DAO: variants seen among roughly 807,000 people sequenced by gnomAD.
DAO encodes the protein D-amino-acid oxidase.
Under a neutral mutation model 50.1 loss-of-function variants are expected in DAO, and 51 were observed. The ratio of observed to expected loss-of-function variants is 1.02; its 90% CI spans 0.81 to 1.29. The LOEUF is 1.29. Ranked by LOEUF, DAO falls within the 50% of genes most tolerant of loss-of-function variation. The probability of loss-of-function intolerance (pLI) is 0.00; values close to 1 mark genes in which losing one functional copy is unlikely to be tolerated. For missense variants in DAO, 436 were observed against 439.4 expected, an observed-to-expected ratio of 0.99 and a Z score of 0.07; for synonymous variants, 160 against 166.2, an observed-to-expected ratio of 0.96 and a Z score of 0.29.
In DAO at chr12:108,887,512, AC is replaced by A. The variant is rs762709353; in HGVS notation, c.259del (p.Leu87TrpfsTer5). 6.2e-7 allele frequency: 1 copy of A among 1,613,898 alleles called. No individual in the cohort carries two copies. The highest frequency in any genetic ancestry group is 2.2e-5 in the East Asian group (1 of 44,876). On this transcript the variant is annotated frameshift_variant, in exon 3 of 11. Coordinates refer to ENST00000228476, the MANE Select transcript of DAO (RefSeq NM_001917.5). LOFTEE classifies it high-confidence loss of function. ...LSHVHSPNAE[N>X]LGLFLISGYN... Reference sequence around the variant, plus strand: ...CATGTCCATTCTCCCAACGCTGAAAACCTGGGCCTGTTCCTAATCTCGGGCT... The same window carrying A: ...CATGTCCATTCTCCCAACGCTGAAAACTGGGCCTGTTCCTAATCTCGGGCT...
intron 1 of DAO, among the ~76,000 whole-genome samples, chr12:108,884,072 A>C (rs1378303364): frequency 2.0e-5 from 3 of 152,238 alleles, no homozygotes; most frequent in Non-Finnish European, 2.9e-5. Context: ...AAGTAGCTTC[A>C]AGGTTAAAAG....
intron 10 of DAO, 159 bp from the exon 11 acceptor site, chr12:108,900,245 C>A: frequency 2.4e-6 from 2 of 824,810 alleles, no homozygotes; most frequent in Admixed American, 2.0e-5. Context: ...TCCAGGGGGT[C>A]CCCACCATTC....
rs769894280 is a variant in DAO at position 108,880,120 on chromosome 12, G to A, written c.-114G>A. The A allele has an allele frequency of 1.5e-5, 7 of 456,702 alleles. No individual in the cohort carries two copies. In the East Asian group the frequency reaches 2.1e-4, roughly 14 times the overall value. The allele number at this position is 456,702 out of a possible 1,614,324, so 28.3% of individuals were successfully genotyped here. On this transcript the variant is annotated 5_prime_UTR_variant, in exon 1 of 11. Coordinates refer to ENST00000228476, the MANE Select transcript of DAO (RefSeq NM_001917.5). ...CTCCAGTCCGGGCTGGCGGACAGAG[G>A]GCTGGAAACAAGACGCTCCAGAATC...
At position 108,896,419 on chromosome 12, in the gene DAO, C is replaced by CAAAAAAAAAAAAAAAA. The variant is rs386377704; in HGVS notation, c.613-579_613-564dup. 9.5e-3 allele frequency among the ~76,000 whole-genome samples: 568 copies of CAAAAAAAAAAAAAAAA among 59,490 alleles called. 20 individuals carry two copies. The highest frequency in any genetic ancestry group is 0.016 in the South Asian group (23 of 1,406). 39.0% of individuals were successfully genotyped at this position (59,490 alleles called of 152,430 possible). On this transcript the variant is annotated intron_variant, in intron 7 of 10. Coordinates refer to ENST00000228476, the MANE Select transcript of DAO (RefSeq NM_001917.5). ...GCCTGGCAACAGAGCGAGGCTGTCT[C>CAAAAAAAAAAAAAAAA]AAAAAAAAAAAAAAAAAAAAAAATT... is the stretch of plus-strand genomic sequence containing the variant.
At chr12:108,894,626 G>T (rs2039527327) in intron 7 of DAO, among the ~76,000 whole-genome samples, 1 of 152,158 alleles carries the variant, frequency 6.6e-6, no homozygotes, top group African/African-American at 2.4e-5. Context: ...AATAAAAATA[G>T]CAAACATTAG....
chr12:108,890,185 C>T lies in DAO; in HGVS notation c.387-23C>T. The T allele has an allele frequency of 1.9e-6, 3 of 1,601,372 alleles. No individual in the cohort carries two copies. The South Asian group carries it at 3.3e-5, about 18-fold the overall frequency. On this transcript the variant is annotated intron_variant, in intron 4 of 10. Coordinates refer to ENST00000228476, the MANE Select transcript of DAO (RefSeq NM_001917.5). ...GCTCTGATTTTTACCTTTATTTCCA[C>T]CTTTTGCTTACTGTGACTCTAGCTA...
Position 108,900,412 on chromosome 12 carries a change from C to G in DAO, c.921C>G (p.His307Gln), listed in dbSNP as rs2039609349. The change falls in exon 11 of 11, where the codon CAC (histidine) becomes CAG (glutamine). Residue 307 changes from histidine to glutamine, a missense_variant. Coordinates refer to ENST00000228476, the MANE Select transcript of DAO (RefSeq NM_001917.5). ...RTGPSNTEVIHNYGHGGYGLT... is the reference protein window; with the variant it reads ...RTGPSNTEVIQNYGHGGYGLT... ...TCTCTTGCCTCTCCTAGGTCATCCA[C>G]AACTATGGCCATGGAGGCTACGGGC... 6.2e-7 allele frequency: 1 copy of G among 1,613,968 alleles called. No individual in the cohort carries two copies. The highest frequency in any genetic ancestry group is 1.7e-5 in the Admixed American group (1 of 60,002).
intron 7 of DAO, among the ~76,000 whole-genome samples, chr12:108,895,754 T>G (rs1276001888): frequency 6.6e-6 from 1 of 150,808 alleles, no homozygotes; most frequent in Non-Finnish European, 1.5e-5. Flanking sequence ...TGCATGTGTG[T>G]GAGGGTGTGT....
intron 8 of DAO, 182 bp from the exon 9 acceptor site, chr12:108,898,497 T>C: frequency 3.0e-6 from 2 of 675,100 alleles, no homozygotes; most frequent in Non-Finnish European, 2.7e-6. Context: ...TTGATGGAGA[T>C]GACAACATTG....
intron 6 of DAO, 71 bp from the exon 7 acceptor site, chr12:108,894,192 G>C: frequency 2.6e-6 from 3 of 1,164,012 alleles, no homozygotes; most frequent in Non-Finnish European, 3.8e-6. Flanking sequence ...AGAAGAAAGG[G>C]GAAGAGAGAA....
At chr12:108,880,329 C>A (rs1275502702) in intron 1 of DAO, 105 bp downstream of exon 1, 13 of 349,372 alleles carry the variant, frequency 3.7e-5, no homozygotes, top group Non-Finnish European at 6.8e-5. Flanking sequence ...AACATTACAG[C>A]CTAAGGCAGG....
chr12:108,899,404 G>A lies in DAO; in HGVS notation c.841G>A (p.Gly281Ser). 2 of 1,613,830 alleles carry A rather than the reference G, an allele frequency of 1.2e-6. No individual in the cohort carries two copies. The highest frequency in any genetic ancestry group is 1.7e-6 in the Non-Finnish European group (2 of 1,179,908). Reference sequence around the variant, plus strand: ...TGCAAGAATTATTGGTGAACGAACTGGCTTCCGGCCAGTACGCCCCCAGAT... The same window carrying A: ...TGCAAGAATTATTGGTGAACGAACTAGCTTCCGGCCAGTACGCCCCCAGAT... ...KNARIIGERTGFRPVRPQIRL... is the reference protein window; with the variant it reads ...KNARIIGERTSFRPVRPQIRL... Residue 281 changes from glycine (G) to serine (S), a missense_variant, in exon 10 of 11, where the codon GGC becomes AGC. Transcript: ENST00000228476.
rs1482762798 is a variant in DAO at position 108,900,246 on chromosome 12, C to T, written c.913-158C>T. On this transcript the variant is annotated intron_variant, in intron 10 of 10. Coordinates refer to ENST00000228476, the MANE Select transcript of DAO (RefSeq NM_001917.5). ...TCTCTTGCAACTGTTCCAGGGGGTCCCCACCATTCCACCCCGGTGCCAAGA... is the reference window on the plus strand; with the variant it reads ...TCTCTTGCAACTGTTCCAGGGGGTCTCCACCATTCCACCCCGGTGCCAAGA... 3.5e-6 allele frequency: 3 copies of T among 846,912 alleles called. No individual in the cohort carries two copies. The East Asian group carries it at 7.7e-5, about 22-fold the overall frequency. 52.5% of individuals were successfully genotyped at this position (846,912 alleles called of 1,614,324 possible).
intron 10 of DAO, 65 bp from the exon 11 acceptor site, chr12:108,900,339 G>A: frequency 6.3e-7 from 1 of 1,588,312 alleles, no homozygotes; most frequent in South Asian, 1.1e-5. Flanking sequence ...CAGGGCAGAA[G>A]AGCTTCATCT....
At position 108,880,113 on chromosome 12, in the gene DAO, G is replaced by C; in HGVS notation, c.-121G>C. 2.2e-6 allele frequency: 1 copy of C among 456,696 alleles called. No individual in the cohort carries two copies. The highest frequency in any genetic ancestry group is 4.4e-6 in the Non-Finnish European group (1 of 226,966). The allele number at this position is 456,696 out of a possible 1,614,324, so 28.3% of individuals were successfully genotyped here. On this transcript the variant is annotated 5_prime_UTR_variant, in exon 1 of 11. Coordinates refer to ENST00000228476, the MANE Select transcript of DAO (RefSeq NM_001917.5). ...CCCTGCACTCCAGTCCGGGCTGGCG[G>C]ACAGAGGGCTGGAAACAAGACGCTC... is the stretch of plus-strand genomic sequence containing the variant.
At chr12:108,899,766 T>C (rs2039602200) in intron 10 of DAO, 1 of 469,040 alleles carries the variant, frequency 2.1e-6, no homozygotes, top group Admixed American at 3.4e-5. Flanking sequence ...CTGGTGCTGA[T>C]GGAAATGACA....
At chr12:108,897,136 T>C (rs774160299) in intron 8 of DAO, 48 bp downstream of exon 8, 1 of 1,358,666 alleles carries the variant, frequency 7.4e-7, no homozygotes, top group Non-Finnish European at 1.1e-6. Flanking sequence ...CTTCATGCCC[T>C]CTTCATGACC....
At chr12:108,894,100 A>C (rs1209918124) in intron 6 of DAO, among the ~76,000 whole-genome samples, 163 bp from the exon 7 acceptor site, 1 of 152,188 alleles carries the variant, frequency 6.6e-6, no homozygotes, top group Non-Finnish European at 1.5e-5. Flanking sequence ...AAATGGCAGT[A>C]TGAAAATTTG....
intron 7 of DAO, among the ~76,000 whole-genome samples, chr12:108,896,445 G>GAAAAAAAAAAAAAAAAA (rs2039558419): frequency 8.1e-6 from 1 of 123,320 alleles, no homozygotes; most frequent in African/African-American, 3.3e-5. Flanking sequence ...AAAAAAAATT[G>GAAAAAAAAAAAAAAAAA]AAGGTTTGAA....
Sources: allele counts gnomAD v4.1 joint callset (sites outside exome capture counted in the v4.1 genomes callset), GRCh38; gene constraint gnomAD v4.1.1; transcripts MANE v1.5; gene names NCBI Gene and HGNC (gene_info 2026-07-23, HGNC 2026-07-21).